TMEM132B: variants seen among roughly 807,000 people sequenced by gnomAD.
TMEM132B encodes the protein transmembrane protein 132B.
A neutral mutation model predicts 90.8 loss-of-function variants in TMEM132B; 18 were observed. The observed-to-expected ratio is 0.20, with a 90% CI of 0.14 to 0.29. The LOEUF is 0.29. TMEM132B is among the 10% of genes least tolerant of loss of function. TMEM132B has a pLI of 1.00. For synonymous variants in TMEM132B, 504 were observed against 523.3 expected, an observed-to-expected ratio of 0.96 and a Z score of 0.50; for missense variants, 1,096 against 1,326.8, an observed-to-expected ratio of 0.83 and a Z score of 2.70.
intron 3 of TMEM132B, among the ~76,000 whole-genome samples, chr12:125,484,319 G>A (rs1215305368): frequency 1.3e-5 from 2 of 152,152 alleles, no homozygotes; most frequent in African/African-American, 4.8e-5. Context: ...GGGCCTCTTG[G>A]CAACCATATC....
chr12:125,623,525 A>G (rs183664588), intron 5 of TMEM132B, among the ~76,000 whole-genome samples: 2 of 152,118 alleles, frequency 1.3e-5, no homozygotes, highest in Admixed American at 1.3e-4. Context: ...GGAGTGAGAT[A>G]AGGTCAGGTT....
At position 125,644,818 on chromosome 12, in the gene TMEM132B, C is replaced by T. The variant is rs1027552044; in HGVS notation, c.1643+537C>T. Among the ~76,000 whole-genome samples, 5 of 152,148 alleles carry T rather than the reference C, an allele frequency of 3.3e-5. No individual in the cohort carries two copies. The East Asian group carries it at 5.8e-4, about 18-fold the overall frequency. Reference sequence around the variant, plus strand: ...AGCTTTACAACTTGTACCTGTGTGACATTGGACATGTGATTTAACCTATCT... The same window carrying T: ...AGCTTTACAACTTGTACCTGTGTGATATTGGACATGTGATTTAACCTATCT... On this transcript the variant is annotated intron_variant, in intron 6 of 8. Transcript: ENST00000682704.
chr12:125,464,315 T>C (rs562962648), intron 3 of TMEM132B, among the ~76,000 whole-genome samples: 1 of 152,318 alleles, frequency 6.6e-6, no homozygotes. Flanking sequence ...GAATGCCACA[T>C]GTCTTCTTGG....
intron 1 of TMEM132B, among the ~76,000 whole-genome samples, chr12:125,284,308 T>A (rs2136135805): frequency 6.6e-6 from 1 of 152,298 alleles, no homozygotes; most frequent in South Asian, 2.1e-4. Context: ...TTTGCAGAGA[T>A]TTTTCTATGC....
At chr12:125,380,614 G>T (rs1878652393) in intron 2 of TMEM132B, among the ~76,000 whole-genome samples, 1 of 152,184 alleles carries the variant, frequency 6.6e-6, no homozygotes, top group South Asian at 2.1e-4. Flanking sequence ...TTGGTGCTCG[G>T]TTCTCACCGT....
chr12:125,585,442 C>T (rs905988671), intron 5 of TMEM132B: 5 of 152,242 alleles, frequency 3.3e-5, no homozygotes, highest in African/African-American at 1.2e-4. Flanking sequence ...ATTGACAATG[C>T]GCAAGTTTTA....
intron 5 of TMEM132B, among the ~76,000 whole-genome samples, chr12:125,640,929 G>GAC (rs60088908): frequency 0.04 from 5,928 of 149,336 alleles, 195 homozygotes; most frequent in East Asian, 0.1. Context: ...AGGAGAAATA[G>GAC]ACACACACAC....
rs148790142 is a variant in TMEM132B at position 125,368,333 on chromosome 12, A to G, written c.959+17990A>G. Among the ~76,000 whole-genome samples the G allele has an allele frequency of 7.6e-3, 1,157 of 152,268 alleles. 9 individuals carry two copies. The highest frequency in any genetic ancestry group is 0.017 in the Middle Eastern group (5 of 294). ...GTTGCATCCTATGAGGTTGTGCATA[A>G]TTTTAATTTGTCTCATTACTGTTGA... On this transcript the variant is annotated intron_variant, in intron 2 of 8. Transcript: ENST00000682704.
At chr12:125,345,945 G>A (rs1156834209) in intron 1 of TMEM132B, among the ~76,000 whole-genome samples, 1 of 152,184 alleles carries the variant, frequency 6.6e-6, no homozygotes, top group Non-Finnish European at 1.5e-5. Context: ...AAGAGTGTTA[G>A]CTTTTCAGTG....
chr12:125,343,009 C>T (rs966647485), intron 1 of TMEM132B, among the ~76,000 whole-genome samples: 13 of 152,070 alleles, frequency 8.5e-5, no homozygotes, highest in Non-Finnish European at 1.8e-4. Context: ...ATGAATGAAT[C>T]GTGTTTCAAA....
At chr12:125,488,577 T>C (rs7974263) in intron 3 of TMEM132B, among the ~76,000 whole-genome samples, 128,798 of 152,184 alleles carry the variant, frequency 0.85, 54,928 homozygotes, top group Middle Eastern at 0.94. Flanking sequence ...CTTTGCCTGC[T>C]GCCATCCATG....
intron 3 of TMEM132B, among the ~76,000 whole-genome samples, chr12:125,474,793 C>T (rs1177882490): frequency 1.3e-5 from 2 of 152,206 alleles, no homozygotes; most frequent in African/African-American, 2.4e-5. Flanking sequence ...ATCCTCTGTC[C>T]GTCTCTGGGC....
At chr12:125,263,428 C>T (rs920622527) in intron 1 of TMEM132B, among the ~76,000 whole-genome samples, 11 of 152,182 alleles carry the variant, frequency 7.2e-5, no homozygotes, top group East Asian at 5.8e-4. Flanking sequence ...CAGGGTACTA[C>T]GATTCTTGAT....
intron 3 of TMEM132B, among the ~76,000 whole-genome samples, chr12:125,499,471 C>T (rs1882640661): frequency 1.3e-5 from 2 of 152,212 alleles, no homozygotes; most frequent in Non-Finnish European, 2.9e-5. Context: ...GTGCTTCCCC[C>T]TGCAGAGAGC....
rs201293543 is a variant in TMEM132B, at chr12:125,351,261, C to G, written c.959+918C>G. 3.3e-5 allele frequency among the ~76,000 whole-genome samples: 5 copies of G among 152,278 alleles called. No individual in the cohort carries two copies. In the East Asian group the frequency reaches 9.6e-4, roughly 29 times the overall value. The stretch of plus-strand genomic sequence containing the variant: ...TGGGCTTGGCTGGGTTCCAATAAAA[C>G]TTTAGTTACAAAAACAGAAGGTTGA... On this transcript the variant is annotated intron_variant, in intron 2 of 8. Coordinates refer to ENST00000682704, the MANE Select transcript of TMEM132B (RefSeq NM_001366854.1).
intron 1 of TMEM132B, among the ~76,000 whole-genome samples, chr12:125,341,126 C>G (rs920468970): frequency 1.3e-5 from 2 of 152,206 alleles, no homozygotes; most frequent in Admixed American, 1.3e-4. Flanking sequence ...TTTGCTTGCT[C>G]GAGCTTTCCT....
At chr12:125,550,263 C>G (rs141685689) in intron 4 of TMEM132B, among the ~76,000 whole-genome samples, 3 of 152,342 alleles carry the variant, frequency 2.0e-5, no homozygotes, top group East Asian at 3.9e-4. Context: ...GAACCTCAGG[C>G]TGGGGGGCGG....
chr12:125,414,307 A>C (rs1879944634), intron 2 of TMEM132B, among the ~76,000 whole-genome samples: 1 of 151,532 alleles, frequency 6.6e-6, no homozygotes, highest in South Asian at 2.1e-4. Context: ...GTTTTCATTC[A>C]CTTGTTTTTA....
intron 4 of TMEM132B, among the ~76,000 whole-genome samples, chr12:125,574,667 T>C (rs1398804233): frequency 6.6e-6 from 1 of 152,030 alleles, no homozygotes; most frequent in Non-Finnish European, 1.5e-5. Flanking sequence ...GGACATAGAG[T>C]ATGAGGCTGT....
Sources: allele counts gnomAD v4.1 joint callset (sites outside exome capture counted in the v4.1 genomes callset), GRCh38; gene constraint gnomAD v4.1.1; transcripts MANE v1.5; gene names NCBI Gene and HGNC (gene_info 2026-07-23, HGNC 2026-07-21).